USP34: variants seen among roughly 807,000 people sequenced by gnomAD.
USP34 encodes ubiquitin specific peptidase 34, also known as ubiquitin carboxyl-terminal hydrolase 34.
In USP34, 70 loss-of-function variants were observed where a neutral mutation model predicts 460.3. The observed-to-expected ratio is 0.15, with a 90% confidence interval of 0.13 to 0.19. The LOEUF (loss-of-function observed/expected upper bound fraction) is 0.19, where lower values mean the gene tolerates loss of function less well. Ranked by LOEUF, USP34 falls within the 10% of genes least tolerant of loss-of-function variation. The pLI, the probability that USP34 is intolerant of heterozygous loss-of-function variation, is 1.00. For missense variants in USP34, 3,985 were observed against 4,236.2 expected, an observed-to-expected ratio of 0.94 and a Z score of 1.65; for synonymous variants, 1,647 against 1,405.3, an observed-to-expected ratio of 1.17 and a Z score of -3.85.
At chr2:61,447,673 T>C (rs1330443093) in intron 1 of USP34, among the ~76,000 whole-genome samples, 3 of 152,168 alleles carry the variant, frequency 2.0e-5, no homozygotes, top group African/African-American at 7.2e-5. Context: ...AAGACATGAA[T>C]ACAAGATCTG....
chr2:61,469,615 A>G (rs77596478), intron 1 of USP34, among the ~76,000 whole-genome samples: 2,656 of 152,334 alleles, frequency 0.017, 31 homozygotes, highest in Middle Eastern at 0.044. Context: ...CATTTTATAA[A>G]TCAACTGTTT....
chr2:61,196,069 A>ACTTTTTTTT (rs1686795624), intron 75 of USP34, among the ~76,000 whole-genome samples: 2 of 41,576 alleles, frequency 4.8e-5, no homozygotes, highest in Admixed American at 3.9e-4. Context: ...ACCATGCACG[A>ACTTTTTTTT]TTTTTTTTTT....
intron 10 of USP34, among the ~76,000 whole-genome samples, chr2:61,369,981 T>C (rs1371081967): frequency 1.0e-5 from 1 of 99,640 alleles, no homozygotes; most frequent in African/African-American, 3.9e-5. Flanking sequence ...TATATGCCTA[T>C]TTAAAAAAAA....
At chr2:61,241,510 A>G (rs1418760711) in intron 53 of USP34, 50 bp downstream of exon 53, 1 of 1,390,212 alleles carries the variant, frequency 7.2e-7, no homozygotes, top group Admixed American at 2.0e-5. Flanking sequence ...TTCCTTGCAT[A>G]AACACTTAAC....
At chr2:61,233,729 G>A (rs35869142) in intron 57 of USP34, among the ~76,000 whole-genome samples, 1,610 of 152,096 alleles carry the variant, frequency 0.011, 16 homozygotes, top group Non-Finnish European at 0.018. Context: ...GGAGGCTGAG[G>A]GAGGAGGCTG....
At chr2:61,247,581 T>C (rs942122222) in intron 49 of USP34, among the ~76,000 whole-genome samples, 2 of 152,152 alleles carry the variant, frequency 1.3e-5, no homozygotes, top group South Asian at 4.1e-4. Context: ...CAGGCTGGAA[T>C]GCAGTGGCAT....
chr2:61,352,358 C>A (rs960686489), intron 10 of USP34, among the ~76,000 whole-genome samples: 4 of 151,574 alleles, frequency 2.6e-5, no homozygotes, highest in South Asian at 2.1e-4. Flanking sequence ...ATATGTAATA[C>A]ATAATAAACT....
intron 75 of USP34, chr2:61,200,640 T>G (rs1686948683): frequency 6.6e-6 from 1 of 152,354 alleles, no homozygotes; most frequent in Admixed American, 6.5e-5. Context: ...TTTAATATTG[T>G]GGCCCTTGGA....
At chr2:61,402,408 G>A (rs565810781) in intron 3 of USP34, among the ~76,000 whole-genome samples, 6 of 152,220 alleles carry the variant, frequency 3.9e-5, no homozygotes, top group South Asian at 2.1e-4. Flanking sequence ...AAGAAGGAAG[G>A]GAGACAGAAG....
chr2:61,342,276 G>C (rs2103761113), intron 16 of USP34, among the ~76,000 whole-genome samples: 1 of 147,508 alleles, frequency 6.8e-6, no homozygotes, highest in African/African-American at 2.5e-5. Context: ...GACACTGAGA[G>C]TGTACTTACT....
intron 2 of USP34, among the ~76,000 whole-genome samples, chr2:61,418,643 C>G (rs535419590): frequency 6.6e-6 from 1 of 152,052 alleles, no homozygotes; most frequent in African/African-American, 2.4e-5. Context: ...CTAATTAGAA[C>G]GACAATCTTA....
intron 41 of USP34, among the ~76,000 whole-genome samples, chr2:61,270,768 C>T (rs1357849919): frequency 1.3e-5 from 2 of 151,968 alleles, no homozygotes; most frequent in Non-Finnish European, 2.9e-5. Flanking sequence ...GCAGCCTGAA[C>T]AGACTAAGAC....
At chr2:61,293,443 A>C in intron 33 of USP34, 21 bp downstream of exon 33, 1 of 1,593,328 alleles carries the variant, frequency 6.3e-7, no homozygotes, top group Non-Finnish European at 8.6e-7. Flanking sequence ...TAACTAGTTG[A>C]AACCATAAAT....
intron 5 of USP34, among the ~76,000 whole-genome samples, chr2:61,386,896 C>A (rs1035518333): frequency 6.6e-6 from 1 of 152,114 alleles, no homozygotes; most frequent in African/African-American, 2.4e-5. Context: ...AAATGACAAA[C>A]TGTACAACAT....
At chr2:61,293,260 A>T (rs1366624852) in intron 33 of USP34, among the ~76,000 whole-genome samples, 1 of 152,162 alleles carries the variant, frequency 6.6e-6, no homozygotes, top group Non-Finnish European at 1.5e-5. Context: ...AATTAATTTT[A>T]TCAGAAGAAT....
intron 5 of USP34, among the ~76,000 whole-genome samples, chr2:61,393,661 C>T (rs931197830): frequency 3.3e-5 from 5 of 151,946 alleles, no homozygotes; most frequent in Non-Finnish European, 7.4e-5. Flanking sequence ...CACTTTTCAC[C>T]CAATATTTTT....
chr2:61,228,684 T>C lies in USP34; in HGVS notation c.7404A>G (p.Thr2468=), dbSNP rs758497843. 25 of 1,612,094 alleles carry C rather than the reference T, an allele frequency of 1.6e-5. No individual in the cohort carries two copies. In the South Asian group the frequency reaches 2.8e-4, roughly 18 times the overall value. The part of the protein sequence containing the change: ...QFLLSLQAIS[T]MVHFYMGTKG... ...TTGTTCCCATGTAAAAATGTACCAT[T>C]GTAGATATAGCTTGCAATGAAAGCA... Residue 2468 remains threonine, a synonymous_variant, in exon 61 of 80, where the codon ACA becomes ACG. Coordinates refer to ENST00000398571, the MANE Select transcript of USP34 (RefSeq NM_014709.4).
At position 61,244,296 on chromosome 2, in the gene USP34, A is replaced by G. The variant is rs116610813; in HGVS notation, c.6627+914T>C. 5.6e-3 allele frequency among the ~76,000 whole-genome samples: 846 copies of G among 152,284 alleles called. 9 individuals carry two copies. The highest frequency in any genetic ancestry group is 0.019 in the African/African-American group (809 of 41,558). On this transcript the variant is annotated intron_variant, in intron 51 of 79. Coordinates refer to ENST00000398571, the MANE Select transcript of USP34 (RefSeq NM_014709.4). ...GCCTATAGAGAAGTGAAATTATTAC[A>G]ATACTCCAACCCAAATGTCTTTTCA...
intron 59 of USP34, 59 bp downstream of exon 59, chr2:61,229,465 AAAAAAAAAAACAAAAAAAAAAAAC>A: frequency 4.7e-6 from 3 of 633,292 alleles, no homozygotes; most frequent in Middle Eastern, 7.5e-4. Flanking sequence ...CTTAAAAAAA[AAAAAAAAAAACAAAAAAAAAAAAC>A]AAAAACACCA....
Sources: gnomAD v4.1 joint callset for allele counts (sites outside exome capture counted in the v4.1 genomes callset) on GRCh38, gnomAD v4.1.1 for gene constraint, MANE v1.5 for transcripts, NCBI Gene and HGNC (gene_info 2026-07-23, HGNC 2026-07-21) for gene names.